PRKAR1B: variants seen among roughly 807,000 people sequenced by gnomAD.
PRKAR1B encodes the protein protein kinase cAMP-dependent type I regulatory subunit beta.
In PRKAR1B, 22 loss-of-function variants were observed where a neutral mutation model predicts 46.5. The observed-to-expected ratio is 0.47, with a 90% CI of 0.34 to 0.68. The LOEUF is 0.68. PRKAR1B is among the 30% of genes least tolerant of loss of function. PRKAR1B has a pLI of 0.01. For missense variants in PRKAR1B, 445 were observed against 535.6 expected, an observed-to-expected ratio of 0.83 and a Z score of 1.67; for synonymous variants, 259 against 217.7, an observed-to-expected ratio of 1.19 and a Z score of -1.67.
At chr7:554,357 G>A (rs565945655) in intron 9 of PRKAR1B, among the ~76,000 whole-genome samples, 21 of 152,398 alleles carry the variant, frequency 1.4e-4, no homozygotes, top group African/African-American at 2.4e-4. Flanking sequence ...CTGACCTTGC[G>A]GACAGACGTC....
rs985582904 is a variant in PRKAR1B at position 599,450 on chromosome 7, G to A, written c.550-3146C>T. ...ATTACAGGCAACTGCCACCACGCCC[G>A]GCTAATTTTGTATTTTTAGTAGAGA... On this transcript the variant is annotated intron_variant, in intron 6 of 10. Transcript: ENST00000537384. Among the ~76,000 whole-genome samples, 31 of 151,880 alleles carry A rather than the reference G, an allele frequency of 2.0e-4. No homozygotes were observed. The East Asian group carries it at 3.7e-3, about 18-fold the overall frequency.
rs763151055 is a variant in PRKAR1B, at chr7:593,021, G to A, written c.708+3125C>T. Among the ~76,000 whole-genome samples the A allele has an allele frequency of 2.0e-5, 3 of 152,164 alleles. No homozygotes were observed. The highest frequency in any genetic ancestry group is 2.9e-5 in the Non-Finnish European group (2 of 68,038). On this transcript the variant is annotated intron_variant, in intron 7 of 10. Coordinates refer to ENST00000537384, the MANE Select transcript of PRKAR1B (RefSeq NM_001164760.2). The surrounding 1 kb of genome is among the most constrained non-coding windows in gnomAD (Gnocchi z 6.1). ...ACTGCACTCCATCCTGGGTGACAGT[G>A]AGACATTGTTTCAAAAAAATTAAAA... is the stretch of plus-strand genomic sequence containing the variant.
At chr7:643,315 C>G (rs1042388853) in intron 4 of PRKAR1B, among the ~76,000 whole-genome samples, 1 of 151,516 alleles carries the variant, frequency 6.6e-6, no homozygotes, top group African/African-American at 2.4e-5. Flanking sequence ...AAACCATGAG[C>G]TTAGGCAGCG....
chr7:642,119 C>T (rs912998287), intron 4 of PRKAR1B, among the ~76,000 whole-genome samples: 3 of 152,088 alleles, frequency 2.0e-5, no homozygotes, highest in Non-Finnish European at 4.4e-5. Context: ...TGGTCTTGAA[C>T]TCCTGAGCTC....
chr7:583,848 AC>A (rs150909948), intron 8 of PRKAR1B, among the ~76,000 whole-genome samples: 4 of 151,236 alleles, frequency 2.6e-5, no homozygotes, highest in Non-Finnish European at 5.9e-5. Flanking sequence ...GTGCACACTC[AC>A]CCCCACACAC....
chr7:551,928 A>C (rs1784241030), intron 9 of PRKAR1B, among the ~76,000 whole-genome samples: 1 of 75,494 alleles, frequency 1.3e-5, no homozygotes, highest in African/African-American at 5.7e-5. Flanking sequence ...CCACGTCACC[A>C]CCCAAACCCC....
chr7:554,085 A>T (rs1001007654), intron 9 of PRKAR1B, among the ~76,000 whole-genome samples: 1 of 152,250 alleles, frequency 6.6e-6, no homozygotes, highest in African/African-American at 2.4e-5. Flanking sequence ...CAGTCCTGGC[A>T]CTGGCTCAGG....
chr7:561,433 G>A (rs1292866524), intron 9 of PRKAR1B, among the ~76,000 whole-genome samples: 1 of 152,142 alleles, frequency 6.6e-6, no homozygotes, highest in African/African-American at 2.4e-5. Context: ...CACATGGAAG[G>A]CAATTTCACC....
intron 7 of PRKAR1B, among the ~76,000 whole-genome samples, 189 bp from the exon 8 acceptor site, chr7:584,757 C>T (rs1176653061): frequency 6.6e-6 from 1 of 152,182 alleles, no homozygotes; most frequent in Non-Finnish European, 1.5e-5. Flanking sequence ...CCCCACCTCC[C>T]TCCTCCCGGG....
intron 2 of PRKAR1B, among the ~76,000 whole-genome samples, chr7:689,112 GAA>G (rs113646546): frequency 6.6e-6 from 1 of 151,054 alleles, no homozygotes; most frequent in South Asian, 2.1e-4. Flanking sequence ...GAACTAAAAA[GAA>G]AAAAAAATTT....
chr7:630,809 C>A (rs1465204200), intron 4 of PRKAR1B, among the ~76,000 whole-genome samples: 2 of 152,122 alleles, frequency 1.3e-5, no homozygotes, highest in East Asian at 3.9e-4. Flanking sequence ...GGAGCACACC[C>A]CCCCCACCAT....
intron 4 of PRKAR1B, among the ~76,000 whole-genome samples, chr7:619,340 C>T (rs1426200663): frequency 6.6e-6 from 1 of 152,194 alleles, no homozygotes; most frequent in Non-Finnish European, 1.5e-5. Flanking sequence ...TTGTTAAGGC[C>T]AAGTTTGTCC....
intron 3 of PRKAR1B, among the ~76,000 whole-genome samples, chr7:679,754 C>A (rs897433130): frequency 2.6e-5 from 4 of 152,122 alleles, no homozygotes; most frequent in African/African-American, 9.7e-5. Flanking sequence ...CATATGGAAG[C>A]CCTAACCAGC....
intron 9 of PRKAR1B, among the ~76,000 whole-genome samples, chr7:558,222 A>G (rs1441485367): frequency 2.7e-5 from 4 of 149,518 alleles, no homozygotes; most frequent in Non-Finnish European, 5.9e-5. Flanking sequence ...GCTACTCAGG[A>G]GGCTGAGGTG....
rs576791232 is a variant in PRKAR1B, at chr7:606,514, C to G, written c.503-275G>C. On this transcript the variant is annotated intron_variant, in intron 5 of 10. Coordinates refer to ENST00000537384, the MANE Select transcript of PRKAR1B (RefSeq NM_001164760.2). The stretch of plus-strand genomic sequence containing the variant: ...TTTTTTTGAGACGGAGTCAGGCTCT[C>G]GGCTCACTGCAACCTCCACCTCCCA... Among the ~76,000 whole-genome samples, 5 of 152,238 alleles carry G rather than the reference C, an allele frequency of 3.3e-5. No homozygotes were observed. In the East Asian group the frequency reaches 9.6e-4, roughly 29 times the overall value.
At chr7:664,869 G>A (rs1433201426) in intron 4 of PRKAR1B, among the ~76,000 whole-genome samples, 5 of 152,120 alleles carry the variant, frequency 3.3e-5, no homozygotes, top group Admixed American at 1.3e-4. Flanking sequence ...AGCCAAGATC[G>A]TGCCACTACA....
At chr7:578,728 C>A (rs1165612525) in intron 9 of PRKAR1B, 2 of 160,872 alleles carry the variant, frequency 1.2e-5, no homozygotes, top group Admixed American at 1.2e-4. Context: ...GTTGTCCATG[C>A]TGGAGTGCAA....
At chr7:689,444 T>C (rs1779287800) in intron 2 of PRKAR1B, among the ~76,000 whole-genome samples, 1 of 152,088 alleles carries the variant, frequency 6.6e-6, no homozygotes, top group African/African-American at 2.4e-5. Context: ...CAAATGGAAA[T>C]GCTAGAATCC....
chr7:586,293 C>G (rs1337752265), intron 7 of PRKAR1B, among the ~76,000 whole-genome samples: 1 of 152,254 alleles, frequency 6.6e-6, no homozygotes, highest in Non-Finnish European at 1.5e-5. Flanking sequence ...TGTCCACACC[C>G]TGTGTGCTCT....
Sources: allele counts gnomAD v4.1 joint callset (sites outside exome capture counted in the v4.1 genomes callset), GRCh38; gene constraint gnomAD v4.1.1; non-coding constraint Gnocchi (gnomAD v3.1); transcripts MANE v1.5; gene names NCBI Gene and HGNC (gene_info 2026-07-23, HGNC 2026-07-21).